Variants in PACC1 observed in about 807,000 individuals in gnomAD.
PACC1 encodes the protein proton-activated chloride channel.
PACC1 carries 34 observed loss-of-function variants against 39.7 expected under a neutral mutation model. The ratio of observed to expected loss-of-function variants is 0.86; its 90% CI spans 0.65 to 1.14. The LOEUF (loss-of-function observed/expected upper bound fraction) is 1.14. Among genes scored for constraint, PACC1 ranks in the 50% most tolerant of loss-of-function variants. PACC1 has a pLI of 0.00. For synonymous variants in PACC1, 127 were observed against 160.6 expected (o/e 0.79, Z 1.58); for missense variants, 379 against 436.4 (o/e 0.87, Z 1.17).
chr1:212,381,693 CT>C lies in PACC1; in HGVS notation c.496-1657del, dbSNP rs1453087241. ...ATGTGCACAGACACACACACACACA[CT>C]GCACACACACACACACACACACACA... On this transcript the variant is annotated intron_variant, in intron 4 of 7. Transcript: ENST00000261455. Among the ~76,000 whole-genome samples the C allele has an allele frequency of 2.8e-3, 175 of 61,784 alleles. 1 individual carries two copies. Among genetic ancestry groups the C allele is most frequent in the Middle Eastern group, 0.027 (3 of 112 alleles). 40.5% of individuals were successfully genotyped at this position (61,784 alleles called of 152,430 possible). A position where few individuals can be genotyped will look rare whatever the true frequency, so the allele number is the denominator to read the frequency against.
chr1:212,375,099 G>A, intron 7 of PACC1, 94 bp downstream of exon 7: 1 of 1,023,248 alleles, frequency 9.8e-7, no homozygotes, highest in Non-Finnish European at 1.4e-6. Flanking sequence ...AAAGACTTCA[G>A]GGCAGCATCA....
At chr1:212,403,383 G>A (rs1224370245) in intron 2 of PACC1, among the ~76,000 whole-genome samples, 1 of 152,136 alleles carries the variant, frequency 6.6e-6, no homozygotes, top group Non-Finnish European at 1.5e-5. Context: ...AAACAGGGAT[G>A]TTTGTGAGGT....
Position 212,379,991 on chromosome 1 carries a change from T to C in PACC1, c.542A>G (p.Glu181Gly). ...VQGPREVKKR[E>G]LVFLQFRLNK... The stretch of plus-strand genomic sequence containing the variant: ...CAGGCGGAACTGGAGGAAGACCAGC[T>C]CCCGCTTTTTCACTTCCCGGGGCCC... The change falls in exon 5 of 8, where the codon GAG (glutamate) becomes GGG (glycine). Residue 181 changes from glutamate to glycine, a missense_variant. By Grantham distance (98) the Glu-to-Gly change is moderately conservative (BLOSUM62 -2). Coordinates refer to ENST00000261455, the MANE Select transcript of PACC1 (RefSeq NM_018252.3). 1 of 1,614,180 alleles carries C rather than the reference T, an allele frequency of 6.2e-7. No homozygotes were observed. Among genetic ancestry groups the C allele is most frequent in the Non-Finnish European group, 8.5e-7 (1 of 1,180,028 alleles).
intron 3 of PACC1, 79 bp from the exon 4 acceptor site, chr1:212,385,504 A>C: frequency 6.8e-7 from 1 of 1,480,026 alleles, no homozygotes; most frequent in Non-Finnish European, 9.4e-7. Context: ...ACACCTACCA[A>C]CAACCTACGT....
At chr1:212,367,909 A>G (rs2102462994) in intron 7 of PACC1, among the ~76,000 whole-genome samples, 1 of 152,262 alleles carries the variant, frequency 6.6e-6, no homozygotes, top group South Asian at 2.1e-4. Context: ...CTGGCTGACT[A>G]AAGTGGCCTT....
chr1:212,383,082 T>TG (rs919734259), intron 4 of PACC1, among the ~76,000 whole-genome samples: 12 of 152,174 alleles, frequency 7.9e-5, no homozygotes, highest in Non-Finnish European at 1.3e-4. Context: ...GGAAACTTGG[T>TG]GGATAGGGAG....
intron 2 of PACC1, among the ~76,000 whole-genome samples, chr1:212,394,563 A>G (rs1292238719): frequency 1.3e-5 from 2 of 152,186 alleles, no homozygotes; most frequent in Non-Finnish European, 2.9e-5. Context: ...CCTATTCAAC[A>G]TAGTGTTGGA....
rs964033217 is a variant in PACC1 at position 212,364,137 on chromosome 1, T to C, written c.*1078A>G. On this transcript the variant is annotated 3_prime_UTR_variant, in exon 8 of 8. Coordinates refer to ENST00000261455, the MANE Select transcript of PACC1 (RefSeq NM_018252.3). ...ATTTTTAGAACCTTAATGTGAAAAATAGACTTTTTTTTAATGCATACTCAT... is the reference window on the plus strand; with the variant it reads ...ATTTTTAGAACCTTAATGTGAAAAACAGACTTTTTTTTAATGCATACTCAT... The C allele has an allele frequency of 2.6e-5, 4 of 152,200 alleles. No individual in the cohort carries two copies. Among genetic ancestry groups the C allele is most frequent in the South Asian group, 2.1e-4 (1 of 4,820 alleles). The allele number at this position is 152,200 out of a possible 1,614,324, so 9.4% of individuals were successfully genotyped here.
chr1:212,384,033 G>T (rs559180373), intron 4 of PACC1, among the ~76,000 whole-genome samples: 8 of 152,260 alleles, frequency 5.3e-5, no homozygotes, highest in African/African-American at 1.4e-4. Flanking sequence ...CCAAGCTGGG[G>T]GTTTGGAAGG....
intron 2 of PACC1, 155 bp downstream of exon 2, chr1:212,410,270 T>C: frequency 1.4e-6 from 1 of 715,682 alleles, no homozygotes; most frequent in Non-Finnish European, 2.5e-6. Context: ...GTTCCAAGGC[T>C]GGTTAAATAT....
chr1:212,387,461 A>G (rs1027129154), intron 2 of PACC1, among the ~76,000 whole-genome samples: 6 of 152,208 alleles, frequency 3.9e-5, no homozygotes, highest in Non-Finnish European at 8.8e-5. Context: ...GGCAGTTACA[A>G]TCCAACAAGT....
At chr1:212,366,240 T>TAACTC (rs1467497865) in intron 7 of PACC1, among the ~76,000 whole-genome samples, 2 of 152,054 alleles carry the variant, frequency 1.3e-5, no homozygotes, top group Admixed American at 6.5e-5. Context: ...GGCAGAGTTG[T>TAACTC]AACTCTTTAA....
chr1:212,412,523 C>A (rs1291325700), intron 1 of PACC1, among the ~76,000 whole-genome samples: 2 of 152,194 alleles, frequency 1.3e-5, no homozygotes, highest in Admixed American at 6.5e-5. Context: ...AAGACGCCGG[C>A]CATTTTCTGG....
rs1379183449 is a variant in PACC1, at chr1:212,386,786, C to T, written c.343+105G>A. 6 of 1,149,778 alleles carry T rather than the reference C, an allele frequency of 5.2e-6. No individual in the cohort carries two copies. Among genetic ancestry groups the T allele is most frequent in the Non-Finnish European group, 6.4e-6 (5 of 777,134 alleles). The allele number at this position is 1,149,778 out of a possible 1,614,324, so 71.2% of individuals were successfully genotyped here. A position where few individuals can be genotyped will look rare whatever the true frequency, so the allele number is the denominator to read the frequency against. ...CTAGACTATGCTTGGTTGGACTCCT[C>T]TGCCCTGCCCGTAGTACCACAAATA... On this transcript the variant is annotated intron_variant, in intron 3 of 7. Transcript: ENST00000261455. This position sits in a 1 kb window ranked among gnomAD's most constrained non-coding sequence, Gnocchi z 5.0.
intron 3 of PACC1, 87 bp from the exon 4 acceptor site, chr1:212,385,512 C>T (rs1448467830): frequency 7.1e-6 from 10 of 1,408,952 alleles, no homozygotes; most frequent in Admixed American, 5.3e-5. Flanking sequence ...CAACAACCTA[C>T]GTTCTGGACT....
chr1:212,376,624 C>T (rs1660676590), intron 6 of PACC1, among the ~76,000 whole-genome samples: 1 of 152,178 alleles, frequency 6.6e-6, no homozygotes, highest in African/African-American at 2.4e-5. Flanking sequence ...AGTTATCTTA[C>T]AAAACAGGAA....
At position 212,410,447 on chromosome 1, in the gene PACC1, G is replaced by C. The variant is rs528422349; in HGVS notation, c.111C>G (p.Val37=). The change falls in exon 2 of 8, where the codon GTC becomes GTG. Residue 37 remains valine, a synonymous_variant. Coordinates refer to ENST00000261455, the MANE Select transcript of PACC1 (RefSeq NM_018252.3). The part of the protein sequence containing the change: ...ADEQDKETVR[V]QGPGILPGLD... ...CACCTGGTAAGATACCCGGACCTTG[G>C]ACTCTGACCGTCTCCTTGTCCTGCT... 1.2e-5 allele frequency: 19 copies of C among 1,614,150 alleles called. 2 individuals carry two copies. The South Asian group carries it at 1.9e-4, about 16-fold the overall frequency.
intron 7 of PACC1, among the ~76,000 whole-genome samples, chr1:212,368,757 G>A (rs548298188): frequency 6.6e-6 from 1 of 152,238 alleles, no homozygotes; most frequent in East Asian, 1.9e-4. Flanking sequence ...CCTTGGCCGG[G>A]TGCGGTGGCT....
intron 2 of PACC1, among the ~76,000 whole-genome samples, chr1:212,391,605 G>A (rs1328052579): frequency 6.6e-6 from 1 of 152,236 alleles, no homozygotes; most frequent in African/African-American, 2.4e-5. Context: ...TGACTTTGAT[G>A]TGTTGAGAGA....
Sources: gnomAD v4.1 joint callset for allele counts (sites outside exome capture counted in the v4.1 genomes callset) on GRCh38, gnomAD v4.1.1 for gene constraint, Gnocchi (gnomAD v3.1) non-coding constraint, MANE v1.5 for transcripts, NCBI Gene and HGNC (gene_info 2026-07-23, HGNC 2026-07-21) for gene names.